The following COBL variants were observed in gnomAD, a reference collection of about 807,000 sequenced individuals.
COBL encodes protein cordon-bleu.
A neutral mutation model predicts 98.8 loss-of-function variants in COBL; 51 were observed. That is an observed-to-expected ratio of 0.52 (90% CI 0.41 to 0.65). The LOEUF is 0.65. Ranked by LOEUF, COBL falls within the 30% of genes least tolerant of loss-of-function variation. The pLI is 0.00. For missense variants in COBL, 1,617 were observed against 1,617.5 expected (o/e 1.00, Z 0.01); for synonymous variants, 634 against 651.7 (o/e 0.97, Z 0.41).
At chr7:51,111,582 G>A (rs560191560) in intron 6 of COBL, among the ~76,000 whole-genome samples, 4 of 152,092 alleles carry the variant, frequency 2.6e-5, no homozygotes, top group East Asian at 1.9e-4. Flanking sequence ...GTCCTCTCTC[G>A]CTGAACTGTC....
chr7:51,170,523 AT>A (rs1201165117), intron 5 of COBL, among the ~76,000 whole-genome samples: 6 of 146,992 alleles, frequency 4.1e-5, no homozygotes, highest in African/African-American at 1.2e-4. Flanking sequence ...ATATATATAT[AT>A]ATATATAAAT....
At chr7:51,270,370 G>C (rs937134582) in intron 1 of COBL, among the ~76,000 whole-genome samples, 2 of 152,178 alleles carry the variant, frequency 1.3e-5, no homozygotes, top group Non-Finnish European at 2.9e-5. Flanking sequence ...TTAGAGTCCT[G>C]AATTTCCTCA....
intron 5 of COBL, among the ~76,000 whole-genome samples, chr7:51,171,654 T>C (rs1329164976): frequency 6.6e-6 from 1 of 152,160 alleles, no homozygotes; most frequent in African/African-American, 2.4e-5. Context: ...TTTTGATTTA[T>C]TTTGTAATTT....
At chr7:51,077,725 C>G (rs527608492) in intron 7 of COBL, among the ~76,000 whole-genome samples, 18 of 152,324 alleles carry the variant, frequency 1.2e-4, no homozygotes, top group African/African-American at 3.6e-4. Flanking sequence ...TTCCTGAACG[C>G]TGAATAGGCA....
chr7:51,125,769 T>C (rs1798144179), intron 6 of COBL, among the ~76,000 whole-genome samples: 1 of 152,170 alleles, frequency 6.6e-6, no homozygotes, highest in Admixed American at 6.5e-5. Context: ...AGAGAAATTT[T>C]TTTTCTATAG....
chr7:51,027,027 A>G (rs1225817974), intron 10 of COBL, among the ~76,000 whole-genome samples: 1 of 152,220 alleles, frequency 6.6e-6, no homozygotes, highest in Admixed American at 6.5e-5. Context: ...TTAATGGCAG[A>G]CCACTCCTGC....
chr7:51,174,087 T>C (rs993417563), intron 5 of COBL, among the ~76,000 whole-genome samples: 9 of 152,330 alleles, frequency 5.9e-5, no homozygotes, highest in African/African-American at 2.2e-4. Flanking sequence ...TTTTAAAAAA[T>C]TATTTGTTTC....
chr7:51,236,273 G>A (rs1266144273), intron 1 of COBL, among the ~76,000 whole-genome samples: 1 of 152,154 alleles, frequency 6.6e-6, no homozygotes, highest in Non-Finnish European at 1.5e-5. Context: ...ACATAGAGGG[G>A]GATTCAGAGG....
chr7:51,017,288 CCAA>C lies in COBL; in HGVS notation c.*260_*262del. On this transcript the variant is annotated 3_prime_UTR_variant, in exon 13 of 13. Transcript: ENST00000265136. ...CAGCATTTATAGTCCCATTAACCTG[CCAA>C]CAAGAATCGTTTATTAGCAACTTAA... The C allele has an allele frequency of 1.7e-6, 1 of 589,172 alleles. No individual in the cohort carries two copies. The highest frequency in any genetic ancestry group is 2.2e-5 in the South Asian group (1 of 46,234). 36.5% of individuals were successfully genotyped at this position (589,172 alleles called of 1,614,324 possible).
At chr7:51,224,256 G>A (rs895293225) in intron 1 of COBL, among the ~76,000 whole-genome samples, 2 of 152,132 alleles carry the variant, frequency 1.3e-5, no homozygotes, top group African/African-American at 2.4e-5. Flanking sequence ...ATGTATGACC[G>A]TACTTAAAAA....
intron 7 of COBL, chr7:51,065,317 C>T (rs1419399146): frequency 5.7e-6 from 4 of 703,382 alleles, no homozygotes; most frequent in Non-Finnish European, 7.8e-6. Context: ...GAAACAGGAA[C>T]ACTTGATTTC....
At chr7:51,266,214 G>T (rs1798187092) in intron 1 of COBL, among the ~76,000 whole-genome samples, 1 of 152,186 alleles carries the variant, frequency 6.6e-6, no homozygotes, top group Non-Finnish European at 1.5e-5. Context: ...AATATAGATT[G>T]AAAACTAATT....
At chr7:51,046,634 T>A (rs925981225) in intron 7 of COBL, among the ~76,000 whole-genome samples, 8 of 152,168 alleles carry the variant, frequency 5.3e-5, no homozygotes, top group African/African-American at 1.2e-4. Context: ...ACTTTTTTTT[T>A]CTTCATCAAT....
intron 10 of COBL, 57 bp downstream of exon 10, chr7:51,027,655 C>T: frequency 7.2e-7 from 1 of 1,383,562 alleles, no homozygotes; most frequent in Non-Finnish European, 1.0e-6. Flanking sequence ...GACTCTGAGA[C>T]CAGTGCACTG....
chr7:51,050,406 C>T (rs1790119856), intron 7 of COBL, among the ~76,000 whole-genome samples: 1 of 152,188 alleles, frequency 6.6e-6, no homozygotes, highest in African/African-American at 2.4e-5. Context: ...TAATAAACAG[C>T]TGCTGTTTTT....
chr7:51,120,993 CTG>C (rs1434104106), intron 6 of COBL, among the ~76,000 whole-genome samples: 1 of 152,172 alleles, frequency 6.6e-6, no homozygotes, highest in Non-Finnish European at 1.5e-5. Context: ...GTACAGGTAT[CTG>C]TCTGAGGCCC....
intron 1 of COBL, among the ~76,000 whole-genome samples, chr7:51,256,045 A>C (rs1003302322): frequency 7.9e-5 from 12 of 152,136 alleles, no homozygotes; most frequent in African/African-American, 2.9e-4. Context: ...CCATGCTTAA[A>C]GGATTTCTGA....
At chr7:51,195,639 T>C (rs1790521552) in intron 2 of COBL, among the ~76,000 whole-genome samples, 1 of 152,014 alleles carries the variant, frequency 6.6e-6, no homozygotes, top group Non-Finnish European at 1.5e-5. Context: ...TGATCCTTCC[T>C]TTCCATTTGT....
intron 1 of COBL, among the ~76,000 whole-genome samples, chr7:51,278,059 A>T (rs1799472558): frequency 6.6e-6 from 1 of 152,154 alleles, no homozygotes; most frequent in African/African-American, 2.4e-5. Flanking sequence ...TCTCAACTAC[A>T]ATCATCTCTC....
Sources: allele counts gnomAD v4.1 joint callset (sites outside exome capture counted in the v4.1 genomes callset), GRCh38; gene constraint gnomAD v4.1.1; transcripts MANE v1.5; gene names NCBI Gene and HGNC (gene_info 2026-07-23, HGNC 2026-07-21).